Variants in NFIL3 observed in about 807,000 individuals in gnomAD.
NFIL3 encodes nuclear factor, interleukin 3 regulated, also known as nuclear factor interleukin-3-regulated protein.
In NFIL3, 5 loss-of-function variants were observed where a neutral mutation model predicts 10.0. That is an observed-to-expected ratio of 0.50 (90% CI 0.26 to 1.06). The LOEUF (loss-of-function observed/expected upper bound fraction) is 1.06, where lower values mean the gene tolerates loss of function less well. Ranked by LOEUF, NFIL3 falls within the 50% of genes least tolerant of loss-of-function variation. The probability of loss-of-function intolerance (pLI) is 0.13; values close to 1 mark genes in which losing one functional copy is unlikely to be tolerated. For synonymous variants in NFIL3, 202 were observed against 206.5 expected (o/e 0.98, Z 0.19); for missense variants, 436 against 547.6 (o/e 0.80, Z 2.03).
chr9:91,468,754 A>G, the NFIL3 span, among the ~76,000 whole-genome samples: 4,590 of 152,286 alleles, frequency 0.03, 98 homozygotes, highest in East Asian at 0.093. Context: ...CTTTCTACAT[A>G]TACCAAGCCA....
the NFIL3 span, among the ~76,000 whole-genome samples, chr9:91,471,336 C>A: frequency 2.0e-5 from 3 of 150,984 alleles, no homozygotes; most frequent in Admixed American, 2.0e-4. Flanking sequence ...GATTGCAACC[C>A]CTGCTTTTTT....
chr9:91,416,390 A>G (rs1248570793), intron 1 of NFIL3, among the ~76,000 whole-genome samples: 5 of 152,242 alleles, frequency 3.3e-5, no homozygotes, highest in Non-Finnish European at 7.3e-5. Flanking sequence ...AAAAAGCCTC[A>G]GGATTTATGC....
chr9:91,429,063 G>A, the NFIL3 span, among the ~76,000 whole-genome samples: 7 of 152,218 alleles, frequency 4.6e-5, no homozygotes, highest in African/African-American at 1.4e-4. Context: ...ATATGAAATA[G>A]AAAATTGTGA....
chr9:91,460,478 T>A, the NFIL3 span, among the ~76,000 whole-genome samples: 5 of 151,832 alleles, frequency 3.3e-5, no homozygotes, highest in Admixed American at 1.3e-4. Context: ...GGTTTCACAA[T>A]GTTGGCCAGG....
At chr9:91,482,146 T>G in the NFIL3 span, among the ~76,000 whole-genome samples, 7 of 152,136 alleles carry the variant, frequency 4.6e-5, no homozygotes, top group Non-Finnish European at 8.8e-5. Context: ...CCCTACAATC[T>G]CATTTCTCAG....
At position 91,409,629 on chromosome 9, in the gene NFIL3, C is replaced by T. The variant is rs1287602311; in HGVS notation, c.1106G>A (p.Ser369Asn). 2 of 1,614,100 alleles carry T rather than the reference C, an allele frequency of 1.2e-6. No homozygotes were observed. ...AGAAGAATGTACCATACTTGGGGCA[C>T]TATGCTTTTCGAGTTCGAAATGTCT... ...SKRHFELEKH[S>N]APSMVHSSLT... Residue 369 changes from serine (S) to asparagine (N), a missense_variant, in exon 2 of 2, where the codon AGT (serine) becomes AAT (asparagine). By Grantham distance (46) the Ser-to-Asn change is conservative. Coordinates refer to ENST00000297689, the MANE Select transcript of NFIL3 (RefSeq NM_005384.3).
At chr9:91,474,459 G>A in the NFIL3 span, among the ~76,000 whole-genome samples, 1 of 152,110 alleles carries the variant, frequency 6.6e-6, no homozygotes, top group South Asian at 2.1e-4. Context: ...CTTGGCTTCT[G>A]TTCCAGTATG....
chr9:91,449,445 G>A, the NFIL3 span, among the ~76,000 whole-genome samples: 1 of 152,080 alleles, frequency 6.6e-6, no homozygotes, highest in African/African-American at 2.4e-5. Context: ...TGCCTTTTCT[G>A]CATTACATTT....
the NFIL3 span, among the ~76,000 whole-genome samples, chr9:91,460,268 G>GTTTTTTTTTTTTTTTTTTTTTTT: frequency 2.6e-5 from 2 of 77,104 alleles, no homozygotes; most frequent in African/African-American, 2.7e-4. Flanking sequence ...GGAGGGCTTG[G>GTTTTTTTTTTTTTTTTTTTTTTT]TTCTTTTTTT....
chr9:91,459,861 T>C, the NFIL3 span, among the ~76,000 whole-genome samples: 2 of 152,136 alleles, frequency 1.3e-5, no homozygotes, highest in African/African-American at 4.8e-5. Flanking sequence ...AAGGAATGGA[T>C]GGATGGATGA....
the NFIL3 span, among the ~76,000 whole-genome samples, chr9:91,442,258 T>C: frequency 6.6e-6 from 1 of 152,212 alleles, no homozygotes; most frequent in African/African-American, 2.4e-5. Flanking sequence ...ACTTTAAATA[T>C]ATTACCCCTT....
chr9:91,421,242 G>GTCCCTGGCTCCCTGGC (rs201092809), intron 1 of NFIL3, among the ~76,000 whole-genome samples: 10,338 of 150,946 alleles, frequency 0.068, 453 homozygotes, highest in Admixed American at 0.095. Context: ...GGGAGCCGGG[G>GTCCCTGGCTCCCTGGC]TCCCTGGCTC....
the NFIL3 span, among the ~76,000 whole-genome samples, chr9:91,482,424 A>C: frequency 6.9e-6 from 1 of 144,326 alleles, no homozygotes; most frequent in Non-Finnish European, 1.5e-5. Context: ...TAAAGAAGCC[A>C]GGGCTGGGTG....
the NFIL3 span, among the ~76,000 whole-genome samples, chr9:91,481,399 A>G: frequency 6.6e-6 from 1 of 152,278 alleles, no homozygotes; most frequent in Middle Eastern, 3.4e-3. Context: ...GTGTAACCTT[A>G]TTTTTCACAT....
chr9:91,433,274 T>C, the NFIL3 span, among the ~76,000 whole-genome samples: 1 of 152,246 alleles, frequency 6.6e-6, no homozygotes, highest in Non-Finnish European at 1.5e-5. Flanking sequence ...CATTTATTGC[T>C]GTGACTATCG....
chr9:91,480,080 C>T, the NFIL3 span, among the ~76,000 whole-genome samples: 1 of 104,816 alleles, frequency 9.5e-6, no homozygotes, highest in Non-Finnish European at 2.1e-5. Context: ...GAGCTGCAGA[C>T]TGGAGCTGTT....
intron 1 of NFIL3, among the ~76,000 whole-genome samples, chr9:91,421,299 G>A (rs1018945007): frequency 2.6e-5 from 4 of 151,112 alleles, no homozygotes; most frequent in Admixed American, 2.0e-4. Context: ...GAGCGCACCC[G>A]TACGCCGGCC....
the NFIL3 span, among the ~76,000 whole-genome samples, chr9:91,465,647 T>A: frequency 6.6e-6 from 1 of 152,272 alleles, no homozygotes; most frequent in African/African-American, 2.4e-5. Flanking sequence ...GTGTGCATTT[T>A]TTTTTCCTTT....
the NFIL3 span, among the ~76,000 whole-genome samples, chr9:91,458,976 G>T: frequency 2.4e-4 from 37 of 152,196 alleles, no homozygotes; most frequent in Non-Finnish European, 5.1e-4. Flanking sequence ...TTTAGAAACA[G>T]GCTGGTGGGA....
Sources: allele counts gnomAD v4.1 joint callset (sites outside exome capture counted in the v4.1 genomes callset), GRCh38; gene constraint gnomAD v4.1.1; transcripts MANE v1.5; gene names NCBI Gene and HGNC (gene_info 2026-07-23, HGNC 2026-07-21).